Variants in TUSC3 observed in about 807,000 individuals in gnomAD.
The protein encoded by TUSC3 is tumor suppressor candidate 3, also known as dolichyl-diphosphooligosaccharide--protein glycosyltransferase subunit TUSC3.
A neutral mutation model predicts 44.8 loss-of-function variants in TUSC3; 45 were observed. The ratio of observed to expected loss-of-function variants is 1.00; its 90% confidence interval spans 0.79 to 1.29. The LOEUF (loss-of-function observed/expected upper bound fraction) is 1.29. Among genes scored for constraint, TUSC3 ranks in the 50% most tolerant of loss-of-function variants. The pLI is 0.00. For missense variants in TUSC3, 519 were observed against 437.9 expected (o/e 1.19, Z -1.65); for synonymous variants, 212 against 152.9 (o/e 1.39, Z -2.85).
the TUSC3 span, among the ~76,000 whole-genome samples, chr8:15,786,494 T>C: frequency 1.3e-5 from 2 of 152,146 alleles, no homozygotes; most frequent in African/African-American, 4.8e-5. Context: ...TTCAGAAGGA[T>C]TTTCAATAGC....
At chr8:15,718,433 A>G (rs1810148846) in intron 6 of TUSC3, among the ~76,000 whole-genome samples, 1 of 152,148 alleles carries the variant, frequency 6.6e-6, no homozygotes, top group South Asian at 2.1e-4. Flanking sequence ...ATTTATGTGT[A>G]CAGTTTTGAT....
At chr8:15,806,406 A>C in the TUSC3 span, 1 of 709,402 alleles carries the variant, frequency 1.4e-6, no homozygotes. Context: ...TTCTGGTGAT[A>C]CTTTGGGTGC....
chr8:15,800,535 T>C, the TUSC3 span, among the ~76,000 whole-genome samples: 112 of 151,200 alleles, frequency 7.4e-4, 2 homozygotes, highest in South Asian at 0.023. Context: ...ATCATGCCAC[T>C]GCACTCCAGC....
At chr8:15,533,347 A>C (rs918262351) in intron 2 of TUSC3, among the ~76,000 whole-genome samples, 2 of 152,200 alleles carry the variant, frequency 1.3e-5, no homozygotes, top group African/African-American at 4.8e-5. Flanking sequence ...GTAAATCTGC[A>C]TTTTTACATA....
chr8:15,737,764 G>T (rs1811000483), intron 7 of TUSC3, among the ~76,000 whole-genome samples: 1 of 152,110 alleles, frequency 6.6e-6, no homozygotes, highest in Admixed American at 6.5e-5. Context: ...TTCAGATTTG[G>T]AGGGTCTTTC....
the TUSC3 span, among the ~76,000 whole-genome samples, chr8:15,837,577 C>T: frequency 6.6e-6 from 1 of 152,032 alleles, no homozygotes; most frequent in African/African-American, 2.4e-5. Context: ...TCTAATTTGT[C>T]CCGAAGTTCT....
At chr8:15,419,601 T>G (rs1327003919) in intron 1 of TUSC3, among the ~76,000 whole-genome samples, 1 of 152,148 alleles carries the variant, frequency 6.6e-6, no homozygotes, top group Non-Finnish European at 1.5e-5. Flanking sequence ...AAAAAAACAC[T>G]AAGCAAGCAG....
At chr8:15,715,247 T>C (rs1377945095) in intron 6 of TUSC3, among the ~76,000 whole-genome samples, 1 of 152,190 alleles carries the variant, frequency 6.6e-6, no homozygotes, top group East Asian at 1.9e-4. Context: ...GTTTAATTTA[T>C]AAATTAGGCA....
At chr8:15,573,555 C>T (rs114765837) in intron 1 of TUSC3, among the ~76,000 whole-genome samples, 1 of 152,014 alleles carries the variant, frequency 6.6e-6, no homozygotes, top group East Asian at 1.9e-4. Flanking sequence ...TCCTTCCCCC[C>T]TCATCCCTTG....
chr8:15,744,836 T>G (rs1001715285), intron 8 of TUSC3, among the ~76,000 whole-genome samples: 2 of 152,088 alleles, frequency 1.3e-5, no homozygotes, highest in African/African-American at 4.8e-5. Context: ...TGGGGGTTTA[T>G]GTATAAGTTT....
At chr8:15,752,109 T>C (rs1468559039) in intron 9 of TUSC3, among the ~76,000 whole-genome samples, 1 of 152,098 alleles carries the variant, frequency 6.6e-6, no homozygotes, top group African/African-American at 2.4e-5. Flanking sequence ...AGATCTGTTG[T>C]ATGGAAATAA....
At chr8:15,822,615 C>A in the TUSC3 span, among the ~76,000 whole-genome samples, 1 of 152,060 alleles carries the variant, frequency 6.6e-6, no homozygotes, top group Admixed American at 6.6e-5. Context: ...GAAGAGAAGG[C>A]TTCCAAGGAT....
chr8:15,790,179 CTTTTTTT>C, the TUSC3 span, among the ~76,000 whole-genome samples: 2 of 72,232 alleles, frequency 2.8e-5, no homozygotes, highest in African/African-American at 6.1e-5. Context: ...TTGTTAAGGC[CTTTTTTT>C]TTTTTTTTTT....
At chr8:15,428,902 T>G (rs1799837592) in intron 1 of TUSC3, among the ~76,000 whole-genome samples, 1 of 152,196 alleles carries the variant, frequency 6.6e-6, no homozygotes, top group South Asian at 2.1e-4. Flanking sequence ...TGCAAAAAAT[T>G]TCTCCCATTC....
At chr8:15,668,682 A>G (rs983806871) in intron 5 of TUSC3, among the ~76,000 whole-genome samples, 4 of 151,784 alleles carry the variant, frequency 2.6e-5, no homozygotes, top group African/African-American at 9.7e-5. Flanking sequence ...AATACTTCCA[A>G]AAGGACTAGC....
At chr8:15,811,914 A>G in the TUSC3 span, among the ~76,000 whole-genome samples, 3 of 111,468 alleles carry the variant, frequency 2.7e-5, no homozygotes, top group Non-Finnish European at 5.9e-5. Flanking sequence ...AATAGAAAAG[A>G]AAAAAAAACA....
intron 1 of TUSC3, among the ~76,000 whole-genome samples, chr8:15,448,667 G>A (rs538141858): frequency 1.3e-5 from 2 of 152,256 alleles, no homozygotes; most frequent in East Asian, 3.9e-4. Flanking sequence ...AATAAATAAT[G>A]TGTCTAACAC....
At chr8:15,636,298 G>C (rs1003385582) in intron 2 of TUSC3, among the ~76,000 whole-genome samples, 2 of 152,088 alleles carry the variant, frequency 1.3e-5, no homozygotes, top group African/African-American at 4.8e-5. Flanking sequence ...ACTTTGAGTT[G>C]GGTGGCAGAG....
chr8:15,551,451 T>A lies in TUSC3; in HGVS notation c.138+10883T>A, dbSNP rs1452972844. Among the ~76,000 whole-genome samples the A allele has an allele frequency of 2.0e-5, 3 of 151,920 alleles. No individual in the cohort carries two copies. In the South Asian group the frequency reaches 6.3e-4, roughly 32 times the overall value. On this transcript the variant is annotated intron_variant, in intron 1 of 10. Transcript: ENST00000503731. ...CTAAATAACGTTAATTTTCAACAAT[T>A]TAATTGAGTTATATGATTCGTGGGG...
Sources: gnomAD v4.1 joint callset for allele counts (sites outside exome capture counted in the v4.1 genomes callset) on GRCh38, gnomAD v4.1.1 for gene constraint, MANE v1.5 for transcripts, NCBI Gene and HGNC (gene_info 2026-07-23, HGNC 2026-07-21) for gene names.